The following LNX2 variants were observed in gnomAD, a reference collection of about 807,000 sequenced individuals.
LNX2 encodes ligand of Numb protein X 2.
In LNX2, 35 loss-of-function variants were observed where a neutral mutation model predicts 66.2. The ratio of observed to expected loss-of-function variants is 0.53; its 90% CI spans 0.40 to 0.70. The LOEUF is 0.70. Among genes scored for constraint, LNX2 ranks in the 30% least tolerant of loss-of-function variants. The pLI, the probability that LNX2 is intolerant of heterozygous loss-of-function variation, is 0.00. For missense variants in LNX2, 791 were observed against 850.8 expected (o/e 0.93, Z 0.87); for synonymous variants, 337 against 315.6 (o/e 1.07, Z -0.72).
intron 6 of LNX2, among the ~76,000 whole-genome samples, chr13:27,559,223 T>G (rs1955099193): frequency 6.6e-6 from 1 of 152,094 alleles, no homozygotes; most frequent in South Asian, 2.1e-4. Context: ...ATAAAACCAG[T>G]GAAATACTGA....
At chr13:27,618,471 C>T (rs558374468) in intron 1 of LNX2, among the ~76,000 whole-genome samples, 1 of 151,884 alleles carries the variant, frequency 6.6e-6, no homozygotes, top group Admixed American at 6.6e-5. Flanking sequence ...ACTTAGTCTC[C>T]ATATCGCCCA....
chr13:27,598,448 C>A (rs1479953004), intron 1 of LNX2, among the ~76,000 whole-genome samples: 1 of 152,058 alleles, frequency 6.6e-6, no homozygotes, highest in Non-Finnish European at 1.5e-5. Context: ...AGGGATTAAC[C>A]CATGGGGTCA....
chr13:27,558,593 T>C lies in LNX2; in HGVS notation c.1368+1249A>G, dbSNP rs570168893. 5.3e-5 allele frequency among the ~76,000 whole-genome samples: 8 copies of C among 152,240 alleles called. No homozygotes were observed. In the East Asian group the frequency reaches 5.8e-4, roughly 11 times the overall value. ...AATTATCAACTTGTACCTTATATTA[T>C]AGTTTTATATGTATAAAAAACTTGT... On this transcript the variant is annotated intron_variant, in intron 6 of 9. Transcript: ENST00000316334.
intron 4 of LNX2, 58 bp from the exon 5 acceptor site, chr13:27,562,839 G>T: frequency 1.3e-6 from 2 of 1,537,586 alleles, no homozygotes; most frequent in South Asian, 1.3e-5. Context: ...CAATTTGTAG[G>T]AATGTTTATG....
upstream of LNX2, chr13:27,620,970 A>C (rs1331911820): frequency 6.5e-6 from 1 of 152,854 alleles, no homozygotes; most frequent in African/African-American, 2.4e-5. Context: ...TGCGCTGGAC[A>C]GCTGGAGTCG....
chr13:27,552,756 T>C (rs1955020224), intron 8 of LNX2, among the ~76,000 whole-genome samples: 1 of 152,228 alleles, frequency 6.6e-6, no homozygotes, highest in African/African-American at 2.4e-5. Flanking sequence ...TAGACTCTTG[T>C]ATCCAATAAA....
intron 4 of LNX2, among the ~76,000 whole-genome samples, chr13:27,566,821 A>T (rs1387559981): frequency 1.3e-5 from 2 of 152,070 alleles, no homozygotes; most frequent in African/African-American, 4.8e-5. Flanking sequence ...CTTGTTCATG[A>T]ATATTTCCTC....
rs559883020 is a variant in LNX2, at chr13:27,569,194, C to T, written c.490G>A (p.Gly164Arg). The change falls in exon 3 of 10, where the codon GGG (glycine) becomes AGG (arginine). Residue 164 changes from glycine to arginine, a missense_variant. Physicochemically the swap from Gly to Arg is moderately radical, Grantham distance 125 (BLOSUM62 -2). Coordinates refer to ENST00000316334, the MANE Select transcript of LNX2 (RefSeq NM_153371.4). ...CCTGCAGGATCTAGTAGAGTGGGCC[C>T]ATTTTCATTCTCAATCTCTGCTTGA... ...RTQAEIENENGPTLLDPAGTL... is the reference protein window; with the variant it reads ...RTQAEIENENRPTLLDPAGTL... 4.3e-6 allele frequency: 7 copies of T among 1,612,864 alleles called. No individual in the cohort carries two copies. The South Asian group carries it at 7.7e-5, about 18-fold the overall frequency.
intron 1 of LNX2, among the ~76,000 whole-genome samples, chr13:27,620,019 C>T (rs1214344100): frequency 1.3e-5 from 2 of 152,168 alleles, no homozygotes; most frequent in Non-Finnish European, 2.9e-5. Flanking sequence ...AACACTCACC[C>T]CACCTCTCCC....
At chr13:27,574,999 T>C (rs1955327364) in intron 2 of LNX2, among the ~76,000 whole-genome samples, 1 of 152,080 alleles carries the variant, frequency 6.6e-6, no homozygotes, top group Non-Finnish European at 1.5e-5. Context: ...AAAAGAGAAA[T>C]TGAGACATTC....
chr13:27,619,518 G>C (rs1489996338), intron 1 of LNX2, among the ~76,000 whole-genome samples: 2 of 152,158 alleles, frequency 1.3e-5, no homozygotes, highest in East Asian at 3.9e-4. Flanking sequence ...CAATAAGCTG[G>C]AGCTCACAAG....
intron 6 of LNX2, among the ~76,000 whole-genome samples, chr13:27,558,220 T>C (rs1955086928): frequency 6.6e-6 from 1 of 151,228 alleles, no homozygotes; most frequent in African/African-American, 2.5e-5. Flanking sequence ...AGACCTTTAC[T>C]TTTCTGTATC....
At chr13:27,591,991 C>T (rs957448990) in intron 1 of LNX2, among the ~76,000 whole-genome samples, 3 of 152,104 alleles carry the variant, frequency 2.0e-5, no homozygotes, top group Non-Finnish European at 2.9e-5. Flanking sequence ...GGCCTTGAGG[C>T]GAGAATGTCC....
rs1955427566 is a variant in LNX2 at position 27,583,212 on chromosome 13, GT to G, written c.-100-1410del. ...TGTGTGTGTGTGTGTGTGTGTGTGT[GT>G]GTGTGTGTGTGTGTGTGTGTGTGTG... On this transcript the variant is annotated intron_variant, in intron 1 of 9. Transcript: ENST00000316334. Among the ~76,000 whole-genome samples, 7 of 22,892 alleles carry G rather than the reference GT, an allele frequency of 3.1e-4. 1 individual carries two copies. Among genetic ancestry groups the G allele is most frequent in the African/African-American group, 3.6e-4 (2 of 5,522 alleles). The allele number at this position is 22,892 out of a possible 152,430, so 15.0% of individuals were successfully genotyped here. A position where few individuals can be genotyped will look rare whatever the true frequency, so the allele number is the denominator to read the frequency against.
intron 5 of LNX2, among the ~76,000 whole-genome samples, chr13:27,560,570 T>C (rs939981682): frequency 6.9e-6 from 1 of 145,956 alleles, no homozygotes. Flanking sequence ...TGTGTGTATA[T>C]ATATATATAT....
chr13:27,576,145 T>A (rs2138379647), intron 2 of LNX2, among the ~76,000 whole-genome samples: 1 of 152,128 alleles, frequency 6.6e-6, no homozygotes, highest in Non-Finnish European at 1.5e-5. Flanking sequence ...GATATGACAA[T>A]TATAAACAGA....
chr13:27,569,581 C>T (rs1281995623), intron 2 of LNX2, among the ~76,000 whole-genome samples: 1 of 152,196 alleles, frequency 6.6e-6, no homozygotes, highest in Non-Finnish European at 1.5e-5. Flanking sequence ...CATCTCTGTA[C>T]TGCAATAATT....
intron 2 of LNX2, among the ~76,000 whole-genome samples, chr13:27,577,586 C>T (rs1201258747): frequency 6.6e-6 from 1 of 152,124 alleles, no homozygotes; most frequent in Non-Finnish European, 1.5e-5. Context: ...TCCTGGGCTG[C>T]ATGTGGCACA....
chr13:27,596,351 T>C (rs1364705392), intron 1 of LNX2, among the ~76,000 whole-genome samples: 2 of 152,192 alleles, frequency 1.3e-5, no homozygotes, highest in African/African-American at 2.4e-5. Context: ...CCATTCACAA[T>C]TGAGTGAGAT....
Sources: gnomAD v4.1 joint callset for allele counts (sites outside exome capture counted in the v4.1 genomes callset) on GRCh38, gnomAD v4.1.1 for gene constraint, MANE v1.5 for transcripts, NCBI Gene and HGNC (gene_info 2026-07-23, HGNC 2026-07-21) for gene names.